The following CCDC7 variants were observed in gnomAD, a reference collection of about 807,000 sequenced individuals.
CCDC7 encodes the protein coiled-coil domain containing 7.
Under a neutral mutation model 196.9 loss-of-function variants are expected in CCDC7, and 183 were observed. The observed-to-expected ratio is 0.93, with a 90% CI of 0.82 to 1.05. CCDC7 has a LOEUF of 1.05. CCDC7 is among the 50% of genes least tolerant of loss of function. The probability of loss-of-function intolerance (pLI) is 0.00; values close to 1 mark genes in which losing one functional copy is unlikely to be tolerated. For synonymous variants in CCDC7, 525 were observed against 484.6 expected, an observed-to-expected ratio of 1.08 and a Z score of -1.10; for missense variants, 1,540 against 1,482.2, an observed-to-expected ratio of 1.04 and a Z score of -0.64.
chr10:32,872,651 T>C (rs1485520128), intron 41 of CCDC7, among the ~76,000 whole-genome samples: 1 of 152,120 alleles, frequency 6.6e-6, no homozygotes, highest in Non-Finnish European at 1.5e-5. Context: ...CTTTACAATT[T>C]GGCATGTTTT....
chr10:32,855,901 A>T (rs1163177029), intron 41 of CCDC7, among the ~76,000 whole-genome samples: 1 of 152,224 alleles, frequency 6.6e-6, no homozygotes, highest in Non-Finnish European at 1.5e-5. Flanking sequence ...ATGGAATAGG[A>T]TAGAGAGCTG....
chr10:32,731,757 T>C lies in CCDC7; in HGVS notation c.2905+2300T>C, dbSNP rs148703455. Among the ~76,000 whole-genome samples the C allele has an allele frequency of 8.7e-4, 132 of 152,260 alleles. 1 individual carries two copies. The highest frequency in any genetic ancestry group is 2.9e-3 in the African/African-American group (120 of 41,552). On this transcript the variant is annotated intron_variant, in intron 28 of 41. Transcript: ENST00000639629. The stretch of plus-strand genomic sequence containing the variant: ...AAGTTGTATTGTCTAGTGTAAAGTC[T>C]TATAAAACTGATAGGGCTGGGCACG...
intron 11 of CCDC7, among the ~76,000 whole-genome samples, chr10:32,522,470 A>G (rs1048411876): frequency 6.6e-6 from 1 of 152,124 alleles, no homozygotes; most frequent in African/African-American, 2.4e-5. Flanking sequence ...TGCTCATAGT[A>G]GCCACTAATG....
At chr10:32,500,420 A>C (rs1378477833) in intron 9 of CCDC7, among the ~76,000 whole-genome samples, 1 of 143,224 alleles carries the variant, frequency 7.0e-6, no homozygotes, top group African/African-American at 2.7e-5. Context: ...GGTCACGGCC[A>C]GGCAGAGGCG....
intron 9 of CCDC7, among the ~76,000 whole-genome samples, chr10:32,516,734 A>T (rs997760417): frequency 6.6e-6 from 1 of 152,214 alleles, no homozygotes; most frequent in Admixed American, 6.5e-5. Context: ...TAAATTATGT[A>T]TCTGCTTTGG....
intron 21 of CCDC7, among the ~76,000 whole-genome samples, chr10:32,674,524 T>C (rs1296793115): frequency 6.6e-6 from 1 of 152,132 alleles, no homozygotes; most frequent in Non-Finnish European, 1.5e-5. Context: ...ATCCTGTAAA[T>C]ATCTCAGTGT....
At chr10:32,754,454 AACTT>A (rs1443890310) in intron 28 of CCDC7, among the ~76,000 whole-genome samples, 2 of 152,156 alleles carry the variant, frequency 1.3e-5, no homozygotes, top group African/African-American at 4.8e-5. Flanking sequence ...ATGGGTAAAT[AACTT>A]ACTTCCAATC....
At chr10:32,835,509 A>G (rs1330536968) in intron 33 of CCDC7, among the ~76,000 whole-genome samples, 1 of 152,194 alleles carries the variant, frequency 6.6e-6, no homozygotes, top group Non-Finnish European at 1.5e-5. Context: ...GACATAAAAA[A>G]GAAACAAGAT....
intron 20 of CCDC7, among the ~76,000 whole-genome samples, chr10:32,658,111 T>C (rs2070374840): frequency 6.6e-6 from 1 of 152,222 alleles, no homozygotes; most frequent in Admixed American, 6.5e-5. Context: ...TTCCAAACTT[T>C]CCCACATCTT....
chr10:32,760,716 G>A (rs2077321950), intron 28 of CCDC7, among the ~76,000 whole-genome samples: 1 of 151,350 alleles, frequency 6.6e-6, no homozygotes, highest in Non-Finnish European at 1.5e-5. Flanking sequence ...TGCACGTTGT[G>A]CACATGTACC....
At chr10:32,702,724 T>G (rs2078970565) in intron 24 of CCDC7, among the ~76,000 whole-genome samples, 1 of 152,208 alleles carries the variant, frequency 6.6e-6, no homozygotes. Flanking sequence ...TGCATACATA[T>G]TTAGGATAGT....
intron 24 of CCDC7, among the ~76,000 whole-genome samples, chr10:32,701,165 C>T (rs1202234214): frequency 6.6e-6 from 1 of 152,148 alleles, no homozygotes; most frequent in Non-Finnish European, 1.5e-5. Flanking sequence ...CAGTTTTTGT[C>T]CATTCAGTAT....
chr10:32,714,844 C>G (rs2081349473), intron 25 of CCDC7, among the ~76,000 whole-genome samples: 1 of 152,212 alleles, frequency 6.6e-6, no homozygotes. Context: ...GGCTGTCTTT[C>G]TAGATTCCTC....
rs188384670 is a variant in CCDC7, at chr10:32,740,991, T to C, written c.2905+11534T>C. Among the ~76,000 whole-genome samples, 131 of 152,160 alleles carry C rather than the reference T, an allele frequency of 8.6e-4. 1 individual carries two copies. Among genetic ancestry groups the C allele is most frequent in the African/African-American group, 2.9e-3 (119 of 41,568 alleles). On this transcript the variant is annotated intron_variant, in intron 28 of 41. Transcript: ENST00000639629. Reference sequence around the variant, plus strand: ...TATGTCTAGAAGTAATAAGAATGTGTCTACCTGCATTAATGAAAAATATTC... The same window carrying C: ...TATGTCTAGAAGTAATAAGAATGTGCCTACCTGCATTAATGAAAAATATTC...
chr10:32,866,081 T>C (rs2094192100), intron 41 of CCDC7, among the ~76,000 whole-genome samples: 1 of 151,796 alleles, frequency 6.6e-6, no homozygotes, highest in Non-Finnish European at 1.5e-5. Context: ...TTCTAAATAT[T>C]ATTCTCCATT....
chr10:32,779,196 CAACTT>C, intron 29 of CCDC7, 112 bp downstream of exon 30: 1 of 762,774 alleles, frequency 1.3e-6, no homozygotes, highest in Non-Finnish European at 2.0e-6. Context: ...TAGTCTTTCT[CAACTT>C]AAGTTCATTC....
At chr10:32,707,437 G>T (rs541104779) in intron 24 of CCDC7, among the ~76,000 whole-genome samples, 3 of 152,144 alleles carry the variant, frequency 2.0e-5, no homozygotes, top group Non-Finnish European at 2.9e-5. Flanking sequence ...CTCTCACCAC[G>T]CCTATTCAAC....
rs532772117 is a variant in CCDC7, at chr10:32,841,758, C to G, written c.3353-3485C>G. 2.6e-5 allele frequency among the ~76,000 whole-genome samples: 4 copies of G among 152,024 alleles called. No homozygotes were observed. In the East Asian group the frequency reaches 5.8e-4, roughly 22 times the overall value. Reference sequence around the variant, plus strand: ...AGCATGGTACTGGTATAAAAATACACACATAGACCAATGGAACAGAATAAA... The same window carrying G: ...AGCATGGTACTGGTATAAAAATACAGACATAGACCAATGGAACAGAATAAA... On this transcript the variant is annotated intron_variant, in intron 33 of 41. Coordinates refer to ENST00000639629, the Ensembl canonical transcript of CCDC7.
chr10:32,788,971 C>A, intron 29 of CCDC7, among the ~76,000 whole-genome samples: 1 of 152,184 alleles, frequency 6.6e-6, no homozygotes, highest in East Asian at 1.9e-4. Flanking sequence ...ACTCAGGCAC[C>A]AGACCCACCT....
Sources: gnomAD v4.1 joint callset for allele counts (sites outside exome capture counted in the v4.1 genomes callset) on GRCh38, gnomAD v4.1.1 for gene constraint, MANE v1.5 for transcripts, NCBI Gene and HGNC (gene_info 2026-07-23, HGNC 2026-07-21) for gene names.